The following ANK3 variants were observed in gnomAD, a reference collection of about 807,000 sequenced individuals.
The protein encoded by ANK3 is ankyrin 3.
In ANK3, 57 loss-of-function variants were observed where a neutral mutation model predicts 370.9. The observed-to-expected ratio is 0.15, with a 90% confidence interval of 0.12 to 0.19. The LOEUF (loss-of-function observed/expected upper bound fraction) is 0.19, where lower values mean the gene tolerates loss of function less well. ANK3 is among the 10% of genes least tolerant of loss of function. The probability of loss-of-function intolerance (pLI) is 1.00; values close to 1 mark genes in which losing one functional copy is unlikely to be tolerated. For synonymous variants in ANK3, 1,929 were observed against 1,946.3 expected, an observed-to-expected ratio of 0.99 and a Z score of 0.23; for missense variants, 4,439 against 5,302.1, an observed-to-expected ratio of 0.84 and a Z score of 5.06.
intron 1 of ANK3, among the ~76,000 whole-genome samples, chr10:60,662,955 C>T (rs1286636962): frequency 2.0e-5 from 3 of 152,152 alleles, no homozygotes; most frequent in Admixed American, 6.5e-5. Context: ...AGGAGCTATA[C>T]AAATAAGCCT....
At position 60,049,813 on chromosome 10, in the gene ANK3, T is replaced by G. The variant is rs541085708; in HGVS notation, c.13065+5845A>C. 5.3e-5 allele frequency among the ~76,000 whole-genome samples: 8 copies of G among 152,304 alleles called. No individual in the cohort carries two copies. The South Asian group carries it at 1.7e-3, about 32-fold the overall frequency. On this transcript the variant is annotated intron_variant, in intron 42 of 43. Coordinates refer to ENST00000280772, the MANE Select transcript of ANK3 (RefSeq NM_020987.5). The stretch of plus-strand genomic sequence containing the variant: ...GGAGACCAAAGGAAATAGCCCTTAT[T>G]GATTTGAGAGGTTTTGAAGTTATTG...
chr10:60,363,313 A>C (rs1431998360), intron 1 of ANK3, among the ~76,000 whole-genome samples: 1 of 152,212 alleles, frequency 6.6e-6, no homozygotes, highest in Non-Finnish European at 1.5e-5. Context: ...GTCTACCTTC[A>C]GATTGCTTGT....
chr10:60,294,138 T>A (rs548572191), intron 1 of ANK3, among the ~76,000 whole-genome samples: 1 of 151,946 alleles, frequency 6.6e-6, no homozygotes, highest in Non-Finnish European at 1.5e-5. Flanking sequence ...AGTATTTGAA[T>A]AGATGAACAT....
At chr10:60,478,242 T>C (rs568905801) in intron 2 of ANK3, among the ~76,000 whole-genome samples, 105 of 152,206 alleles carry the variant, frequency 6.9e-4, no homozygotes, top group African/African-American at 2.5e-3. Flanking sequence ...GGGTTTTTCA[T>C]GGTCCAATTT....
chr10:60,733,132 C>G (rs1475023643), intron 1 of ANK3: 1 of 745,796 alleles, frequency 1.3e-6, no homozygotes, highest in Non-Finnish European at 1.8e-6. Context: ...CCCGGAGCCT[C>G]GCGGCGCCGC....
intron 4 of ANK3, among the ~76,000 whole-genome samples, chr10:60,270,746 C>T (rs1033402487): frequency 2.6e-5 from 4 of 152,126 alleles, no homozygotes; most frequent in Admixed American, 2.6e-4. Flanking sequence ...AGCTTCAAAG[C>T]TTTTCAAATA....
At chr10:60,157,894 G>A (rs999564886) in intron 23 of ANK3, among the ~76,000 whole-genome samples, 38 of 78,546 alleles carry the variant, frequency 4.8e-4, no homozygotes, top group African/African-American at 1.5e-3. Context: ...AAAAGAGAGA[G>A]AGAGAGAGAG....
At chr10:60,572,089 T>C (rs1465442402) in intron 2 of ANK3, among the ~76,000 whole-genome samples, 1 of 152,186 alleles carries the variant, frequency 6.6e-6, no homozygotes, top group Non-Finnish European at 1.5e-5. Flanking sequence ...TATACCATAA[T>C]AATATTCATT....
chr10:60,178,164 T>A (rs1254529998), intron 18 of ANK3, among the ~76,000 whole-genome samples: 1 of 152,180 alleles, frequency 6.6e-6, no homozygotes, highest in Non-Finnish European at 1.5e-5. Flanking sequence ...CCCTCTGAGA[T>A]CTTAATTTTC....
At chr10:60,310,951 A>G (rs1271003431) in intron 1 of ANK3, among the ~76,000 whole-genome samples, 1 of 152,178 alleles carries the variant, frequency 6.6e-6, no homozygotes, top group Non-Finnish European at 1.5e-5. Flanking sequence ...TAAGGGAGAG[A>G]ACACTTAATG....
At chr10:60,705,728 C>T (rs1386931969) in intron 1 of ANK3, among the ~76,000 whole-genome samples, 1 of 151,938 alleles carries the variant, frequency 6.6e-6, no homozygotes, top group Admixed American at 6.6e-5. Flanking sequence ...TAAGGAAAAG[C>T]TATCACCAGT....
intron 30 of ANK3, 41 bp downstream of exon 30, chr10:60,086,636 T>TA: frequency 6.6e-7 from 1 of 1,524,108 alleles, no homozygotes; most frequent in East Asian, 2.3e-5. Context: ...GTACACAATC[T>TA]TTGTGAATCA....
chr10:60,347,758 G>C (rs1403425321), intron 1 of ANK3, among the ~76,000 whole-genome samples: 1 of 152,118 alleles, frequency 6.6e-6, no homozygotes, highest in Non-Finnish European at 1.5e-5. Context: ...GCAACACTTT[G>C]CTATGCATCA....
At chr10:60,181,537 T>C in intron 17 of ANK3, 110 bp from the exon 18 acceptor site, 1 of 1,039,382 alleles carries the variant, frequency 9.6e-7, no homozygotes, top group Admixed American at 2.1e-5. Flanking sequence ...AGAATTTCTA[T>C]GTTAGAAAAA....
chr10:60,029,865 TTTTC>T (rs1289622449), intron 43 of ANK3, 39 bp from the exon 44 acceptor site: 4 of 130,978 alleles, frequency 3.1e-5, no homozygotes, highest in Non-Finnish European at 4.8e-5. Flanking sequence ...TTAGCTTTCT[TTTTC>T]TTTTTCTTTT....
intron 2 of ANK3, among the ~76,000 whole-genome samples, chr10:60,457,952 C>A (rs2064789796): frequency 6.6e-6 from 1 of 152,050 alleles, no homozygotes; most frequent in Non-Finnish European, 1.5e-5. Context: ...TGCCATTTCA[C>A]AAATGTCTTG....
At chr10:60,161,063 T>C (rs2095486671) in intron 23 of ANK3, among the ~76,000 whole-genome samples, 1 of 152,070 alleles carries the variant, frequency 6.6e-6, no homozygotes, top group Non-Finnish European at 1.5e-5. Flanking sequence ...GAGAAAGAAA[T>C]AAAGGACATC....
chr10:60,330,613 A>G (rs1204826911), intron 1 of ANK3, among the ~76,000 whole-genome samples: 2 of 152,174 alleles, frequency 1.3e-5, no homozygotes, highest in African/African-American at 4.8e-5. Flanking sequence ...AAGTCAGGAA[A>G]CAACAGATGC....
chr10:60,710,389 T>C (rs2079687562), intron 1 of ANK3, among the ~76,000 whole-genome samples: 1 of 151,880 alleles, frequency 6.6e-6, no homozygotes, highest in African/African-American at 2.4e-5. Flanking sequence ...CAAGCGTAAA[T>C]GGCACCATGA....
Sources: allele counts gnomAD v4.1 joint callset (sites outside exome capture counted in the v4.1 genomes callset), GRCh38; gene constraint gnomAD v4.1.1; transcripts MANE v1.5; gene names NCBI Gene and HGNC (gene_info 2026-07-23, HGNC 2026-07-21).